The following CTNNA3 variants were observed in gnomAD, a reference collection of about 807,000 sequenced individuals.
The protein encoded by CTNNA3 is catenin alpha-3.
Under a neutral mutation model 95.7 loss-of-function variants are expected in CTNNA3, and 76 were observed. The observed-to-expected ratio is 0.79, with a 90% CI of 0.66 to 0.96. The LOEUF is 0.96. Among genes scored for constraint, CTNNA3 ranks in the 40% least tolerant of loss-of-function variants. CTNNA3 has a pLI of 0.00. For synonymous variants in CTNNA3, 431 were observed against 374.4 expected, an observed-to-expected ratio of 1.15 and a Z score of -1.74; for missense variants, 1,191 against 1,089.8, an observed-to-expected ratio of 1.09 and a Z score of -1.31.
intron 5 of CTNNA3, among the ~76,000 whole-genome samples, chr10:67,358,815 G>T (rs1475954429): frequency 6.6e-6 from 1 of 152,046 alleles, no homozygotes; most frequent in African/African-American, 2.4e-5. Flanking sequence ...CCCCCTTGGG[G>T]CTAAGGAAAT....
Position 65,920,575 on chromosome 10 carries a change from T to C in CTNNA3, c.2443A>G (p.Met815Val), listed in dbSNP as rs1275596663. ...TSLIQAAKNL[M>V]NAVVQTVKMS... ...TTCACTGTTTGCACTACAGCATTCA[T>C]TAAATTTTTGGCTGCTTGGATCAGG... The change falls in exon 18 of 18, where the codon ATG (methionine) becomes GTG (valine). Residue 815 changes from methionine (M) to valine (V), a missense_variant. Met to Val is a conservative substitution (Grantham distance 21). Coordinates refer to ENST00000433211, the MANE Select transcript of CTNNA3 (RefSeq NM_013266.4). The C allele has an allele frequency of 1.2e-6, 2 of 1,614,034 alleles. No individual in the cohort carries two copies. The highest frequency in any genetic ancestry group is 2.2e-5 in the East Asian group (1 of 44,892).
chr10:66,993,195 C>G (rs1360409311), intron 7 of CTNNA3, among the ~76,000 whole-genome samples: 2 of 152,090 alleles, frequency 1.3e-5, no homozygotes, highest in African/African-American at 4.8e-5. Flanking sequence ...CTTTGTTTTT[C>G]TCCATGTGGG....
chr10:66,150,456 T>C (rs11818886), intron 13 of CTNNA3, among the ~76,000 whole-genome samples: 22,135 of 152,090 alleles, frequency 0.15, 2,675 homozygotes, highest in African/African-American at 0.34. Context: ...ATATCTATTA[T>C]GGTCTTTTAA....
At chr10:66,325,833 T>C (rs779086959) in intron 12 of CTNNA3, among the ~76,000 whole-genome samples, 14 of 151,842 alleles carry the variant, frequency 9.2e-5, no homozygotes, top group Non-Finnish European at 1.8e-4. Flanking sequence ...ATTAGGTAAA[T>C]TGGGAGAGCA....
At position 66,515,098 on chromosome 10, in the gene CTNNA3, G is replaced by C. The variant is rs78279947; in HGVS notation, c.1531+5519C>G. On this transcript the variant is annotated intron_variant, in intron 11 of 17. Transcript: ENST00000433211. The stretch of plus-strand genomic sequence containing the variant: ...TTTACCACATGTGATCTTCCTCTGT[G>C]GTAATAACAAAAAAATAGTTTAAAG... Among the ~76,000 whole-genome samples, 186 of 151,730 alleles carry C rather than the reference G, an allele frequency of 1.2e-3. 1 individual carries two copies. In the East Asian group the frequency reaches 0.023, roughly 19 times the overall value.
chr10:66,290,121 A>T (rs2091655047), intron 12 of CTNNA3, among the ~76,000 whole-genome samples: 1 of 152,042 alleles, frequency 6.6e-6, no homozygotes, highest in South Asian at 2.1e-4. Context: ...AGTTGGGTGG[A>T]TAGATGCATA....
At chr10:67,465,335 C>A (rs1847549076) in intron 5 of CTNNA3, among the ~76,000 whole-genome samples, 1 of 151,882 alleles carries the variant, frequency 6.6e-6, no homozygotes, top group African/African-American at 2.4e-5. Context: ...TACTCTCATG[C>A]AATAGAAAGA....
At chr10:67,356,337 C>G (rs529237088) in intron 5 of CTNNA3, among the ~76,000 whole-genome samples, 1 of 152,210 alleles carries the variant, frequency 6.6e-6, no homozygotes, top group East Asian at 1.9e-4. Context: ...TGTGTCCCTT[C>G]TACCTCCCTC....
intron 13 of CTNNA3, among the ~76,000 whole-genome samples, chr10:66,153,826 C>T (rs55951023): frequency 1.6e-3 from 232 of 149,496 alleles, no homozygotes; most frequent in African/African-American, 5.3e-3. Context: ...CCAAATCTGC[C>T]TCTGATACTT....
Position 65,920,620 on chromosome 10 carries a change from GT to G in CTNNA3, c.2401-4del, listed in dbSNP as rs1408670706. On this transcript the variant is annotated splice_polypyrimidine_tract_variant and splice_region_variant and intron_variant, in intron 17 of 17. Transcript: ENST00000433211. ...ATCAGGGATGTGACACTGTCCAACTGTAGGGAAAAAAGAGAAAAAAGAGCTA... is the reference window on the plus strand; with the variant it reads ...ATCAGGGATGTGACACTGTCCAACTGAGGGAAAAAAGAGAAAAAAGAGCTA... 2.4e-5 allele frequency: 38 copies of G among 1,603,672 alleles called. No individual in the cohort carries two copies. Among genetic ancestry groups the G allele is most frequent in the Non-Finnish European group, 3.2e-5 (37 of 1,173,324 alleles).
chr10:66,558,769 TG>T (rs1842465211), intron 10 of CTNNA3, among the ~76,000 whole-genome samples: 1 of 152,220 alleles, frequency 6.6e-6, no homozygotes, highest in Admixed American at 6.5e-5. Context: ...GAAACTGCTG[TG>T]GGGGAAATGA....
chr10:66,247,797 A>T (rs1303869767), intron 13 of CTNNA3, among the ~76,000 whole-genome samples: 1 of 152,184 alleles, frequency 6.6e-6, no homozygotes, highest in Non-Finnish European at 1.5e-5. Context: ...GACAAACAAA[A>T]GCTGAGGAAT....
At chr10:66,450,957 C>T (rs2093459617) in intron 11 of CTNNA3, among the ~76,000 whole-genome samples, 1 of 152,062 alleles carries the variant, frequency 6.6e-6, no homozygotes, top group South Asian at 2.1e-4. Context: ...TGATCATGGG[C>T]CAGGTATTTG....
intron 13 of CTNNA3, among the ~76,000 whole-genome samples, chr10:66,236,408 A>C (rs1446075151): frequency 6.6e-6 from 1 of 152,196 alleles, no homozygotes; most frequent in Non-Finnish European, 1.5e-5. Flanking sequence ...ATATATTTTG[A>C]AGCTGCCACA....
rs546220527 is a variant in CTNNA3, at chr10:66,373,455, G to A, written c.1732+5697C>T. 4.6e-5 allele frequency among the ~76,000 whole-genome samples: 7 copies of A among 152,094 alleles called. No individual in the cohort carries two copies. In the East Asian group the frequency reaches 9.7e-4, roughly 21 times the overall value. On this transcript the variant is annotated intron_variant, in intron 12 of 17. Coordinates refer to ENST00000433211, the MANE Select transcript of CTNNA3 (RefSeq NM_013266.4). The stretch of plus-strand genomic sequence containing the variant: ...CCTATGGGAACAGAAGCACTTCCAC[G>A]GTCATGAGATCTTACTCTTCTTTAG...
intron 13 of CTNNA3, among the ~76,000 whole-genome samples, chr10:66,263,493 G>A (rs922559618): frequency 4.6e-5 from 7 of 151,924 alleles, no homozygotes; most frequent in South Asian, 2.1e-4. Context: ...CAGAATATGG[G>A]TTCAGTCATT....
In CTNNA3 at chr10:66,550,775, T is replaced by A. The variant is rs189155463; in HGVS notation, c.1375-30002A>T. Among the ~76,000 whole-genome samples the A allele has an allele frequency of 8.2e-4, 124 of 152,118 alleles. 2 individuals carry two copies. The highest frequency in any genetic ancestry group is 8.1e-3 in the Admixed American group (123 of 15,254). On this transcript the variant is annotated intron_variant, in intron 10 of 17. Coordinates refer to ENST00000433211, the MANE Select transcript of CTNNA3 (RefSeq NM_013266.4). ...TTGTAATTTCTGTCTACTGGCTGAC[T>A]TTTTTTTAATCTGTTGATTTTCTGC...
intron 9 of CTNNA3, among the ~76,000 whole-genome samples, chr10:66,707,784 C>T (rs977699924): frequency 6.6e-6 from 1 of 152,058 alleles, no homozygotes; most frequent in Non-Finnish European, 1.5e-5. Flanking sequence ...TGTTAACTAA[C>T]CAGGCAACTA....
chr10:65,924,407 T>C (rs1403983303), intron 17 of CTNNA3, among the ~76,000 whole-genome samples: 3 of 152,172 alleles, frequency 2.0e-5, no homozygotes, highest in Admixed American at 6.5e-5. Context: ...TCCTTGATCC[T>C]ACACTTATGT....
Sources: allele counts gnomAD v4.1 joint callset (sites outside exome capture counted in the v4.1 genomes callset), GRCh38; gene constraint gnomAD v4.1.1; transcripts MANE v1.5; gene names NCBI Gene and HGNC (gene_info 2026-07-23, HGNC 2026-07-21).